RPAP2: variants seen among roughly 807,000 people sequenced by gnomAD.
RPAP2 encodes the protein RNA polymerase II associated protein 2, also known as putative RNA polymerase II subunit B1 CTD phosphatase RPAP2.
In RPAP2, 52 loss-of-function variants were observed where a neutral mutation model predicts 73.1. That is an observed-to-expected ratio of 0.71 (90% confidence interval 0.57 to 0.90). RPAP2 has a LOEUF of 0.90. Ranked by LOEUF, RPAP2 falls within the 40% of genes least tolerant of loss-of-function variation. The pLI, the probability that RPAP2 is intolerant of heterozygous loss-of-function variation, is 0.00. For synonymous variants in RPAP2, 225 were observed against 242.1 expected (o/e 0.93, Z 0.65); for missense variants, 598 against 701.8 (o/e 0.85, Z 1.67).
chr1:92,317,907 C>T (rs1271215884), intron 6 of RPAP2, among the ~76,000 whole-genome samples: 2 of 152,178 alleles, frequency 1.3e-5, no homozygotes, highest in African/African-American at 4.8e-5. Flanking sequence ...TTGAGCTACA[C>T]TTGGACCTCA....
At chr1:92,343,520 G>A (rs1400203657) in intron 10 of RPAP2, among the ~76,000 whole-genome samples, 1 of 152,056 alleles carries the variant, frequency 6.6e-6, no homozygotes, top group Admixed American at 6.5e-5. Flanking sequence ...GGAAAATTCA[G>A]ATTAATGTAA....
Position 92,394,229 on chromosome 1 carries a change from G to T in RPAP2, c.*7218G>T. 6.6e-6 allele frequency: 1 copy of T among 152,106 alleles called. No individual in the cohort carries two copies. 9.4% of individuals were successfully genotyped at this position (152,106 alleles called of 1,614,324 possible). A position where few individuals can be genotyped will look rare whatever the true frequency, so the allele number is the denominator to read the frequency against. On this transcript the variant is annotated 3_prime_UTR_variant, in exon 13 of 13. Coordinates refer to ENST00000610020, the MANE Select transcript of RPAP2 (RefSeq NM_024813.3). ...TTCTCAGCAAACTATCACAAGATCAGAAAACCAAACAACGCATGTTCTCAC... is the reference window on the plus strand; with the variant it reads ...TTCTCAGCAAACTATCACAAGATCATAAAACCAAACAACGCATGTTCTCAC...
chr1:92,357,094 TACAC>T (rs34488806), intron 11 of RPAP2, among the ~76,000 whole-genome samples: 18 of 144,748 alleles, frequency 1.2e-4, no homozygotes, highest in Non-Finnish European at 2.1e-4. Flanking sequence ...AAGGATTACA[TACAC>T]ACACACACAC....
chr1:92,343,179 AG>A (rs1049133827), intron 10 of RPAP2, among the ~76,000 whole-genome samples: 1 of 152,224 alleles, frequency 6.6e-6, no homozygotes, highest in African/African-American at 2.4e-5. Flanking sequence ...TGGGGGAACC[AG>A]GCAAGTGAAA....
At position 92,398,764 on chromosome 1, in the gene RPAP2, G is replaced by C. The variant is rs1265880652; in HGVS notation, c.*11753G>C. 1 of 152,248 alleles carries C rather than the reference G, an allele frequency of 6.6e-6. No individual in the cohort carries two copies. Among genetic ancestry groups the C allele is most frequent in the Non-Finnish European group, 1.5e-5 (1 of 68,092 alleles). 9.4% of individuals were successfully genotyped at this position (152,248 alleles called of 1,614,324 possible). A position where few individuals can be genotyped will look rare whatever the true frequency, so the allele number is the denominator to read the frequency against. ...CAGGAATCCCAGCCACTCCTCTCCT[G>C]TGCAGCACAAGCTGAAGGATAAGGT... is the stretch of plus-strand genomic sequence containing the variant. On this transcript the variant is annotated 3_prime_UTR_variant, in exon 13 of 13. Transcript: ENST00000610020.
At chr1:92,377,516 CAAAAAA>C (rs530908177) in intron 11 of RPAP2, among the ~76,000 whole-genome samples, 5 of 76,606 alleles carry the variant, frequency 6.5e-5, no homozygotes, top group African/African-American at 2.7e-4. Flanking sequence ...AACTTTGTCT[CAAAAAA>C]AAAAAAAAAA....
Position 92,336,426 on chromosome 1 carries a change from A to G in RPAP2, c.1618A>G (p.Arg540Gly). The G allele has an allele frequency of 6.3e-7, 1 of 1,580,080 alleles. No homozygotes were observed. The highest frequency in any genetic ancestry group is 8.7e-7 in the Non-Finnish European group (1 of 1,150,062). ...ACTTAAAAATCTTGTTCGAACTTTCAGGTTAGTGTTTATATTACAATTATC... is the reference window on the plus strand; with the variant it reads ...ACTTAAAAATCTTGTTCGAACTTTCGGGTTAGTGTTTATATTACAATTATC... ...TQLKNLVRTF[R>G]LTNRNIIHKP... is the part of the protein sequence containing the mutation. The change falls in exon 10 of 13, where the codon AGG becomes GGG. Residue 540 changes from arginine (R) to glycine (G), a missense_variant and splice_region_variant. Physicochemically the swap from Arg to Gly is moderately radical, Grantham distance 125. Around this residue, in one of 3 missense-constraint regions of RPAP2, gnomAD observed 506 missense variants for 612.8 expected, o/e 0.83. Coordinates refer to ENST00000610020, the MANE Select transcript of RPAP2 (RefSeq NM_024813.3).
chr1:92,375,954 A>G (rs1655369566), intron 11 of RPAP2, among the ~76,000 whole-genome samples: 1 of 150,476 alleles, frequency 6.6e-6, no homozygotes, highest in Non-Finnish European at 1.5e-5. Context: ...GAGCCAAGAT[A>G]GCGCCATTGC....
At chr1:92,334,519 C>T (rs554466054) in intron 9 of RPAP2, among the ~76,000 whole-genome samples, 7 of 152,048 alleles carry the variant, frequency 4.6e-5, no homozygotes, top group African/African-American at 1.2e-4. Flanking sequence ...AATGACATGA[C>T]GACAGGGATT....
chr1:92,397,656 T>A lies in RPAP2; in HGVS notation c.*10645T>A, dbSNP rs926527899. ...TTAGTTTGGGAGGACTGAAGCAGAATTCAGTTCAAAGTACTGTGCTGGATT... is the reference window on the plus strand; with the variant it reads ...TTAGTTTGGGAGGACTGAAGCAGAAATCAGTTCAAAGTACTGTGCTGGATT... On this transcript the variant is annotated 3_prime_UTR_variant, in exon 13 of 13. Coordinates refer to ENST00000610020, the MANE Select transcript of RPAP2 (RefSeq NM_024813.3). The A allele has an allele frequency of 9.9e-5, 15 of 152,218 alleles. No homozygotes were observed. The highest frequency in any genetic ancestry group is 1.5e-5 in the Non-Finnish European group (1 of 68,042). 9.4% of individuals were successfully genotyped at this position (152,218 alleles called of 1,614,324 possible). A position where few individuals can be genotyped will look rare whatever the true frequency, so the allele number is the denominator to read the frequency against.
In RPAP2 at chr1:92,401,889, C is replaced by A. The variant is rs1201611871; in HGVS notation, c.*14878C>A. 1.3e-5 allele frequency: 2 copies of A among 152,176 alleles called. No homozygotes were observed. Among genetic ancestry groups the A allele is most frequent in the African/African-American group, 4.8e-5 (2 of 41,446 alleles). 9.4% of individuals were successfully genotyped at this position (152,176 alleles called of 1,614,324 possible). ...TTAACCTTGCGTTCCTGGGATAAGA[C>A]CCACTGATCATGATGCATTTTCCTC... On this transcript the variant is annotated 3_prime_UTR_variant, in exon 13 of 13. Transcript: ENST00000610020.
At chr1:92,363,130 C>T (rs1293224201) in intron 11 of RPAP2, among the ~76,000 whole-genome samples, 1 of 152,158 alleles carries the variant, frequency 6.6e-6, no homozygotes, top group Non-Finnish European at 1.5e-5. Context: ...CTATGAACCC[C>T]TGCATCTCAA....
At chr1:92,346,877 T>G (rs1653930330) in intron 11 of RPAP2, among the ~76,000 whole-genome samples, 2 of 152,234 alleles carry the variant, frequency 1.3e-5, no homozygotes, top group Admixed American at 6.5e-5. Context: ...TTACTGTTGC[T>G]GCTTGGTGCT....
chr1:92,356,594 T>TG (rs35350450), intron 11 of RPAP2, among the ~76,000 whole-genome samples: 3 of 150,486 alleles, frequency 2.0e-5, no homozygotes, highest in Non-Finnish European at 3.0e-5. Flanking sequence ...AATTTTTTTT[T>TG]TTTTTTTTTT....
At position 92,345,954 on chromosome 1, in the gene RPAP2, T is replaced by G. The variant is rs186443617; in HGVS notation, c.1688+40T>G. ...AGATTTTAACTCTAAATACTAAATG[T>G]GAAGCATATTGATTAGGGAAAAACA... On this transcript the variant is annotated intron_variant, in intron 11 of 12. Transcript: ENST00000610020. 6 of 1,343,838 alleles carry G rather than the reference T, an allele frequency of 4.5e-6. No homozygotes were observed. The East Asian group carries it at 1.2e-4, about 26-fold the overall frequency. 83.2% of individuals were successfully genotyped at this position (1,343,838 alleles called of 1,614,324 possible).
At chr1:92,357,094 T>C (rs61779190) in intron 11 of RPAP2, among the ~76,000 whole-genome samples, 7 of 144,756 alleles carry the variant, frequency 4.8e-5, no homozygotes, top group East Asian at 2.1e-4. Flanking sequence ...AAGGATTACA[T>C]ACACACACAC....
Position 92,299,065 on chromosome 1 carries a change from C to G in RPAP2, c.-9C>G. On this transcript the variant is annotated 5_prime_UTR_variant, in exon 1 of 13. Transcript: ENST00000610020. ...GAGCGTGTCCCCGTCCGGCAGACTACTCTCCCCCATGGCGGACTTCGCTGG... is the reference window on the plus strand; with the variant it reads ...GAGCGTGTCCCCGTCCGGCAGACTAGTCTCCCCCATGGCGGACTTCGCTGG... The G allele has an allele frequency of 6.7e-7, 1 of 1,488,474 alleles. No homozygotes were observed. Among genetic ancestry groups the G allele is most frequent in the African/African-American group, 1.4e-5 (1 of 69,998 alleles). 92.2% of individuals were successfully genotyped at this position (1,488,474 alleles called of 1,614,324 possible). A position where few individuals can be genotyped will look rare whatever the true frequency, so the allele number is the denominator to read the frequency against.
At chr1:92,366,545 A>G (rs1050941516) in intron 11 of RPAP2, among the ~76,000 whole-genome samples, 2 of 152,154 alleles carry the variant, frequency 1.3e-5, no homozygotes, top group Non-Finnish European at 2.9e-5. Context: ...TTGGGGAGGA[A>G]GCCAGGGGCC....
At chr1:92,354,193 T>A (rs1430396143) in intron 11 of RPAP2, among the ~76,000 whole-genome samples, 1 of 152,128 alleles carries the variant, frequency 6.6e-6, no homozygotes, top group African/African-American at 2.4e-5. Flanking sequence ...CTGATTGAGC[T>A]CCCTGAGAGC....
Sources: allele counts gnomAD v4.1 joint callset (sites outside exome capture counted in the v4.1 genomes callset), GRCh38; gene constraint gnomAD v4.1.1; regional missense constraint gnomAD v4.1.1; transcripts MANE v1.5; gene names NCBI Gene and HGNC (gene_info 2026-07-23, HGNC 2026-07-21).